Variants in RASGRF1 observed in about 807,000 individuals in gnomAD.
RASGRF1 encodes the protein Ras protein specific guanine nucleotide releasing factor 1.
RASGRF1 carries 40 observed loss-of-function variants against 138.7 expected under a neutral mutation model. That is an observed-to-expected ratio of 0.29 (90% CI 0.22 to 0.38). The LOEUF (loss-of-function observed/expected upper bound fraction) is 0.38, where lower values mean the gene tolerates loss of function less well. Among genes scored for constraint, RASGRF1 ranks in the 10% least tolerant of loss-of-function variants. The probability of loss-of-function intolerance (pLI) is 1.00; values close to 1 mark genes in which losing one functional copy is unlikely to be tolerated. For missense variants in RASGRF1, 1,108 were observed against 1,650.4 expected (o/e 0.67, Z 5.69); for synonymous variants, 614 against 663.2 (o/e 0.93, Z 1.14).
chr15:79,071,782 G>A (rs1374387057), intron 1 of RASGRF1, among the ~76,000 whole-genome samples: 1 of 152,084 alleles, frequency 6.6e-6, no homozygotes, highest in African/African-American at 2.4e-5. Flanking sequence ...CATGGCAGGT[G>A]AAGTCAGCTG....
intron 3 of RASGRF1, among the ~76,000 whole-genome samples, chr15:79,055,659 C>T (rs780518682): frequency 6.6e-6 from 1 of 152,152 alleles, no homozygotes; most frequent in East Asian, 1.9e-4. Context: ...CTGCCCTTTG[C>T]ACCTACACCC....
rs1422621658 is a variant in RASGRF1 at position 79,058,600 on chromosome 15, C to T, written c.384-119G>A. ...ACCTGCACTTAGCAGAAGGCCCTGA[C>T]TCCCAGCACCCTGCAGAGTGAGAGG... is the stretch of plus-strand genomic sequence containing the variant. On this transcript the variant is annotated intron_variant, in intron 2 of 26. Transcript: ENST00000558480. The T allele has an allele frequency of 6.7e-5, 87 of 1,293,690 alleles. 1 individual carries two copies. The highest frequency in any genetic ancestry group is 8.3e-5 in the Non-Finnish European group (78 of 940,302). The allele number at this position is 1,293,690 out of a possible 1,614,324, so 80.1% of individuals were successfully genotyped here.
At chr15:79,065,607 G>A (rs1192911790) in intron 1 of RASGRF1, among the ~76,000 whole-genome samples, 1 of 152,096 alleles carries the variant, frequency 6.6e-6, no homozygotes, top group East Asian at 1.9e-4. Flanking sequence ...GTCGGAGAGA[G>A]AGGGCAGACA....
rs759921521 is a variant in RASGRF1 at position 79,004,070 on chromosome 15, C to T, written c.2181G>A (p.Leu727=). The stretch of plus-strand genomic sequence containing the variant: ...TCGGTGACGATGTCTTGGTGATGGA[C>T]AGAGGTGGCGGCGAGGAGAACTTGC... ...ATRKFSSPPP[L]SITKTSSPSR... Residue 727 remains leucine (L), a synonymous_variant, in exon 15 of 27, where the codon CTG becomes CTA. Coordinates refer to ENST00000558480, the MANE Select transcript of RASGRF1 (RefSeq NM_001145648.3). The T allele has an allele frequency of 2.7e-5, 43 of 1,614,090 alleles. 2 individuals carry two copies. The South Asian group carries it at 4.6e-4, about 17-fold the overall frequency.
intron 21 of RASGRF1, 125 bp downstream of exon 21, chr15:78,991,566 C>T: frequency 2.8e-6 from 2 of 710,342 alleles, no homozygotes; most frequent in Non-Finnish European, 4.8e-6. Flanking sequence ...CTGACCCAGG[C>T]ACTATTGTTT....
chr15:79,021,903 T>C (rs984504291), intron 10 of RASGRF1, among the ~76,000 whole-genome samples: 12 of 152,242 alleles, frequency 7.9e-5, no homozygotes, highest in African/African-American at 2.9e-4. Flanking sequence ...TTATTCATAA[T>C]TAAGAGTGAC....
At chr15:79,011,406 A>G (rs1313967374) in intron 13 of RASGRF1, among the ~76,000 whole-genome samples, 2 of 152,208 alleles carry the variant, frequency 1.3e-5, no homozygotes, top group African/African-American at 4.8e-5. Flanking sequence ...ATAGGAAGGG[A>G]CAGAGGGACC....
intron 5 of RASGRF1, among the ~76,000 whole-genome samples, chr15:79,037,587 T>G (rs1472495276): frequency 1.3e-5 from 2 of 151,784 alleles, no homozygotes; most frequent in African/African-American, 4.8e-5. Context: ...GCCTCCTGAG[T>G]GGCTGGGATT....
intron 11 of RASGRF1, among the ~76,000 whole-genome samples, chr15:79,019,743 G>A (rs2140978942): frequency 6.6e-6 from 1 of 152,344 alleles, no homozygotes; most frequent in East Asian, 1.9e-4. Context: ...GCAGCCCAGG[G>A]AGCTTGGAAC....
chr15:79,036,190 C>T lies in RASGRF1; in HGVS notation c.879-980G>A, dbSNP rs189443655. On this transcript the variant is annotated intron_variant, in intron 5 of 26. Transcript: ENST00000558480. ...TATTCCTTCCTGCCCAACCATTTTCCCTCTGCTCCTTAGCTCCTACCGCCT... is the reference window on the plus strand; with the variant it reads ...TATTCCTTCCTGCCCAACCATTTTCTCTCTGCTCCTTAGCTCCTACCGCCT... Among the ~76,000 whole-genome samples, 606 of 152,324 alleles carry T rather than the reference C, an allele frequency of 4.0e-3. 1 individual carries two copies. Among genetic ancestry groups the T allele is most frequent in the African/African-American group, 0.014 (584 of 41,568 alleles).
chr15:79,083,352 A>T (rs527799929), intron 1 of RASGRF1, among the ~76,000 whole-genome samples: 19 of 152,304 alleles, frequency 1.2e-4, no homozygotes, highest in Middle Eastern at 3.4e-3. Context: ...ACGCGTCACT[A>T]GTGCTCCTGC....
At chr15:79,025,799 G>T (rs2057038414) in intron 9 of RASGRF1, among the ~76,000 whole-genome samples, 1 of 152,104 alleles carries the variant, frequency 6.6e-6, no homozygotes, top group Non-Finnish European at 1.5e-5. Flanking sequence ...ATGGCAGGGA[G>T]CTGAACAAGT....
chr15:78,998,586 G>T, intron 18 of RASGRF1, 133 bp downstream of exon 18: 1 of 744,088 alleles, frequency 1.3e-6, no homozygotes, highest in Non-Finnish European at 2.3e-6. Context: ...GCACATTTGA[G>T]CTCCCTCCCT....
chr15:78,995,604 A>T, intron 20 of RASGRF1, 136 bp downstream of exon 20: 2 of 1,106,542 alleles, frequency 1.8e-6, no homozygotes, highest in Non-Finnish European at 2.7e-6. Flanking sequence ...CTGTTGTTTT[A>T]AGCCGCCCAG....
intron 8 of RASGRF1, among the ~76,000 whole-genome samples, chr15:79,029,962 C>T (rs767842309): frequency 2.0e-5 from 3 of 152,186 alleles, no homozygotes; most frequent in African/African-American, 4.8e-5. Context: ...GCTGCCTTAC[C>T]GGAGTCCCAA....
chr15:79,075,437 C>T (rs2057820065), intron 1 of RASGRF1, among the ~76,000 whole-genome samples: 1 of 152,016 alleles, frequency 6.6e-6, no homozygotes, highest in Non-Finnish European at 1.5e-5. Context: ...CCCAGTATGC[C>T]TCTCCTGTCC....
chr15:79,084,203 C>T (rs1397695549), intron 1 of RASGRF1, among the ~76,000 whole-genome samples: 1 of 152,170 alleles, frequency 6.6e-6, no homozygotes, highest in Non-Finnish European at 1.5e-5. Context: ...TCTATAGTGA[C>T]CCAGTGGGAG....
In RASGRF1 at chr15:79,090,521, C is replaced by T. The variant is rs752442724; in HGVS notation, c.-23G>A. 1 of 1,604,602 alleles carries T rather than the reference C, an allele frequency of 6.2e-7. No individual in the cohort carries two copies. On this transcript the variant is annotated 5_prime_UTR_variant, in exon 1 of 27. Transcript: ENST00000558480. ...CATGGTGCTCAGAGGCCAGCGAGAC[C>T]CCACGCGCTTACATCTTCTCCGCGC...
At position 79,043,556 on chromosome 15, in the gene RASGRF1, G is replaced by A. The variant is rs147138752; in HGVS notation, c.878+3190C>T. The stretch of plus-strand genomic sequence containing the variant: ...TGACCTCTAGAGTCCATATTCTAGA[G>A]GTCTTGAGAATTCACCAGGCTGCTG... On this transcript the variant is annotated intron_variant, in intron 5 of 26. Transcript: ENST00000558480. Among the ~76,000 whole-genome samples the A allele has an allele frequency of 2.4e-3, 364 of 152,308 alleles. 2 individuals are homozygous for A. Among genetic ancestry groups the A allele is most frequent in the African/African-American group, 7.6e-3 (315 of 41,564 alleles).
Sources: allele counts gnomAD v4.1 joint callset (sites outside exome capture counted in the v4.1 genomes callset), GRCh38; gene constraint gnomAD v4.1.1; transcripts MANE v1.5; gene names NCBI Gene and HGNC (gene_info 2026-07-23, HGNC 2026-07-21).